Variants in VTI1A observed in about 807,000 individuals in gnomAD.
VTI1A encodes vesicle transport through interaction with t-SNAREs homolog 1A.
In VTI1A, 22 loss-of-function variants were observed where a neutral mutation model predicts 34.9. That is an observed-to-expected ratio of 0.63 (90% CI 0.45 to 0.90). VTI1A has a LOEUF of 0.90. Among genes scored for constraint, VTI1A ranks in the 40% least tolerant of loss-of-function variants. VTI1A has a pLI of 0.00. For synonymous variants in VTI1A, 87 were observed against 97.3 expected, an observed-to-expected ratio of 0.89 and a Z score of 0.62; for missense variants, 268 against 275.6, an observed-to-expected ratio of 0.97 and a Z score of 0.20.
chr10:112,459,870 T>C (rs537588657), intron 1 of VTI1A, among the ~76,000 whole-genome samples: 59 of 152,314 alleles, frequency 3.9e-4, no homozygotes, highest in African/African-American at 1.4e-3. Flanking sequence ...TAAAGTAATT[T>C]CACTTGCATC....
chr10:112,694,479 C>T (rs1352283810), intron 7 of VTI1A, among the ~76,000 whole-genome samples: 1 of 151,976 alleles, frequency 6.6e-6, no homozygotes, highest in African/African-American at 2.4e-5. Flanking sequence ...TGCTGACTTA[C>T]CTTTCTGCAT....
chr10:112,837,980 A>C, the VTI1A span, among the ~76,000 whole-genome samples: 1 of 152,192 alleles, frequency 6.6e-6, no homozygotes, highest in Admixed American at 6.5e-5. Flanking sequence ...CCCTCTTACG[A>C]GGCAGCAACC....
chr10:112,727,436 A>T lies in VTI1A; in HGVS notation c.560+58438A>T, dbSNP rs397846683. Among the ~76,000 whole-genome samples, 92 of 138,876 alleles carry T rather than the reference A, an allele frequency of 6.6e-4. 2 individuals are homozygous for T. The highest frequency in any genetic ancestry group is 2.1e-3 in the African/African-American group (70 of 33,364). The allele number at this position is 138,876 out of a possible 152,430, so 91.1% of individuals were successfully genotyped here. ...ATGATACCCTGCAGGGAAAAAAAAA[A>T]TTTTTTTTATAATTCCTAGGAAGTT... On this transcript the variant is annotated intron_variant, in intron 7 of 7. Transcript: ENST00000393077.
rs1034700563 is a variant in VTI1A, at chr10:112,818,637, G to T, written c.*3254G>T. ...AAAAACTTGACAAGGAAATAATTGC[G>T]CATTGCCAGCAACTTGGCGCCTGTT... On this transcript the variant is annotated 3_prime_UTR_variant, in exon 8 of 8. Transcript: ENST00000393077. 4 of 220,394 alleles carry T rather than the reference G, an allele frequency of 1.8e-5. No homozygotes were observed. The highest frequency in any genetic ancestry group is 3.6e-5 in the Non-Finnish European group (4 of 109,722). 13.7% of individuals were successfully genotyped at this position (220,394 alleles called of 1,614,324 possible).
At chr10:112,711,557 A>G (rs938719194) in intron 7 of VTI1A, among the ~76,000 whole-genome samples, 2 of 152,094 alleles carry the variant, frequency 1.3e-5, no homozygotes. Flanking sequence ...TTCAGGCCAT[A>G]CTCCCTGACC....
chr10:112,736,830 C>G (rs771537990), intron 7 of VTI1A: 19 of 1,149,258 alleles, frequency 1.7e-5, no homozygotes, highest in Non-Finnish European at 2.3e-5. Context: ...CAATGAGAAG[C>G]CTTCTCACTG....
chr10:112,555,457 A>G (rs960629469), intron 5 of VTI1A, among the ~76,000 whole-genome samples: 12 of 152,078 alleles, frequency 7.9e-5, no homozygotes, highest in African/African-American at 2.4e-4. Flanking sequence ...AACTCTTTCT[A>G]TGTATGCTTT....
At chr10:112,709,342 T>A (rs7896815) in intron 7 of VTI1A, among the ~76,000 whole-genome samples, 24,404 of 152,014 alleles carry the variant, frequency 0.16, 3,936 homozygotes, top group African/African-American at 0.4. Flanking sequence ...TCTAGTTCCC[T>A]AAGAGTGTCT....
chr10:112,532,680 T>A (rs2134239124), intron 4 of VTI1A, among the ~76,000 whole-genome samples: 1 of 152,314 alleles, frequency 6.6e-6, no homozygotes, highest in African/African-American at 2.4e-5. Context: ...TAGGATAATT[T>A]ACTAAGAAGT....
chr10:112,489,118 A>G (rs1848739519), intron 3 of VTI1A, among the ~76,000 whole-genome samples: 1 of 152,306 alleles, frequency 6.6e-6, no homozygotes, highest in East Asian at 1.9e-4. Context: ...CTGAAGGCCC[A>G]GGTGGGGCCG....
chr10:112,637,519 C>T (rs1262930286), intron 5 of VTI1A, among the ~76,000 whole-genome samples: 2 of 152,164 alleles, frequency 1.3e-5, no homozygotes, highest in East Asian at 1.9e-4. Context: ...CTTAGCTGGG[C>T]GTGGTGGCAC....
chr10:112,610,724 G>T (rs1180953023), intron 5 of VTI1A, among the ~76,000 whole-genome samples: 1 of 152,166 alleles, frequency 6.6e-6, no homozygotes, highest in South Asian at 2.1e-4. Context: ...AGACCATCCT[G>T]GCTAACATGG....
intron 5 of VTI1A, among the ~76,000 whole-genome samples, chr10:112,625,135 C>T (rs1845873710): frequency 6.6e-6 from 1 of 152,154 alleles, no homozygotes; most frequent in African/African-American, 2.4e-5. Context: ...AAAGTAAGCG[C>T]TGAATACATA....
At chr10:112,829,308 G>A in the VTI1A span, among the ~76,000 whole-genome samples, 42 of 152,252 alleles carry the variant, frequency 2.8e-4, no homozygotes, top group Non-Finnish European at 5.4e-4. Context: ...GCCGAGCGTG[G>A]TGGCAGGTGC....
chr10:112,693,785 A>C (rs17130015), intron 7 of VTI1A, among the ~76,000 whole-genome samples: 5,948 of 152,292 alleles, frequency 0.039, 397 homozygotes, highest in African/African-American at 0.14. Context: ...ATAAATATGC[A>C]CTTGGAGAAA....
chr10:112,779,959 A>G (rs1041712073), intron 7 of VTI1A, among the ~76,000 whole-genome samples: 1 of 151,954 alleles, frequency 6.6e-6, no homozygotes, highest in African/African-American at 2.4e-5. Context: ...GCTATTTGTT[A>G]CTTACTCAGT....
intron 7 of VTI1A, among the ~76,000 whole-genome samples, chr10:112,765,235 G>C (rs1215382039): frequency 6.8e-6 from 1 of 146,102 alleles, no homozygotes; most frequent in Non-Finnish European, 1.5e-5. Context: ...TTGAGACGGA[G>C]TCTCGCTCTG....
intron 5 of VTI1A, among the ~76,000 whole-genome samples, chr10:112,593,556 T>C (rs1191093949): frequency 6.6e-6 from 1 of 152,150 alleles, no homozygotes; most frequent in African/African-American, 2.4e-5. Flanking sequence ...AGGGGTTCTT[T>C]TTCATATGGA....
At chr10:112,545,942 A>ACG (rs1851068398) in intron 5 of VTI1A, among the ~76,000 whole-genome samples, 1 of 151,034 alleles carries the variant, frequency 6.6e-6, no homozygotes. Flanking sequence ...TGTATTTTGC[A>ACG]TGTATATGTG....
Sources: allele counts gnomAD v4.1 joint callset (sites outside exome capture counted in the v4.1 genomes callset), GRCh38; gene constraint gnomAD v4.1.1; transcripts MANE v1.5; gene names NCBI Gene and HGNC (gene_info 2026-07-23, HGNC 2026-07-21).